IFT43: variants seen among roughly 807,000 people sequenced by gnomAD.
IFT43 encodes intraflagellar transport protein 43 homolog.
Under a neutral mutation model 32.3 loss-of-function variants are expected in IFT43, and 33 were observed. The ratio of observed to expected loss-of-function variants is 1.02; its 90% CI spans 0.77 to 1.37. The LOEUF (loss-of-function observed/expected upper bound fraction) is 1.37. Ranked by LOEUF, IFT43 falls within the 40% of genes most tolerant of loss-of-function variation. The pLI is 0.00. For missense variants in IFT43, 274 were observed against 265.9 expected, an observed-to-expected ratio of 1.03 and a Z score of -0.21; for synonymous variants, 93 against 98.2, an observed-to-expected ratio of 0.95 and a Z score of 0.31.
chr14:76,076,899 T>C (rs2037423011), intron 5 of IFT43, among the ~76,000 whole-genome samples: 1 of 152,082 alleles, frequency 6.6e-6, no homozygotes, highest in African/African-American at 2.4e-5. Flanking sequence ...TTCTATTTAT[T>C]TAGGCAGCAC....
In IFT43 at chr14:76,023,735, A is replaced by G. The variant is rs114011605; in HGVS notation, c.215+1341A>G. ...ATCTTTATGGTGCCATAAATGCTTCATATGAAGGGTCGGTTTGGGAGAAGT... is the reference window on the plus strand; with the variant it reads ...ATCTTTATGGTGCCATAAATGCTTCGTATGAAGGGTCGGTTTGGGAGAAGT... On this transcript the variant is annotated intron_variant, in intron 3 of 8. Coordinates refer to ENST00000314067, the MANE Select transcript of IFT43 (RefSeq NM_001102564.3). 1.3e-4 allele frequency among the ~76,000 whole-genome samples: 20 copies of G among 152,338 alleles called. No homozygotes were observed. The East Asian group carries it at 3.9e-3, about 29-fold the overall frequency.
chr14:76,075,693 G>T (rs180829522), intron 5 of IFT43, among the ~76,000 whole-genome samples: 1 of 152,184 alleles, frequency 6.6e-6, no homozygotes, highest in East Asian at 1.9e-4. Context: ...AATATGAAAC[G>T]CCCATGATGC....
chr14:76,022,421 T>TG, intron 3 of IFT43, 27 bp downstream of exon 3: 1 of 1,337,018 alleles, frequency 7.5e-7, no homozygotes, highest in Non-Finnish European at 1.1e-6. Context: ...CATAAGAGTA[T>TG]GGGTGGGGGT....
chr14:76,030,732 C>T lies in IFT43; in HGVS notation c.215+8338C>T, dbSNP rs541661093. Among the ~76,000 whole-genome samples, 113 of 152,182 alleles carry T rather than the reference C, an allele frequency of 7.4e-4. 1 individual carries two copies. Among genetic ancestry groups the T allele is most frequent in the Admixed American group, 2.8e-3 (43 of 15,276 alleles). Reference sequence around the variant, plus strand: ...TTTTCGGAAGTTATTTGAATTATTTCTCATACAGGTTAAGATATCAATTTA... The same window carrying T: ...TTTTCGGAAGTTATTTGAATTATTTTTCATACAGGTTAAGATATCAATTTA... On this transcript the variant is annotated intron_variant, in intron 3 of 8. Coordinates refer to ENST00000314067, the MANE Select transcript of IFT43 (RefSeq NM_001102564.3).
intron 2 of IFT43, among the ~76,000 whole-genome samples, chr14:76,018,764 C>T (rs1190658126): frequency 6.6e-6 from 1 of 152,014 alleles, no homozygotes; most frequent in Non-Finnish European, 1.5e-5. Context: ...TTATATTGAT[C>T]CCCTTATCAT....
intron 1 of IFT43, chr14:75,986,349 C>CA: frequency 8.6e-7 from 1 of 1,164,006 alleles, no homozygotes; most frequent in East Asian, 5.9e-5. Flanking sequence ...TCAGTTACCT[C>CA]AGTAGTTAAG....
At chr14:76,009,543 C>T (rs1382216149) in intron 2 of IFT43, among the ~76,000 whole-genome samples, 1 of 152,170 alleles carries the variant, frequency 6.6e-6, no homozygotes, top group Non-Finnish European at 1.5e-5. Flanking sequence ...GTCTCTGTCT[C>T]CTTCATTTCA....
intron 5 of IFT43, among the ~76,000 whole-genome samples, chr14:76,068,628 G>T (rs907937791): frequency 6.6e-6 from 1 of 152,186 alleles, no homozygotes; most frequent in Non-Finnish European, 1.5e-5. Flanking sequence ...TCCTTCAGTG[G>T]CATAATCATC....
intron 5 of IFT43, among the ~76,000 whole-genome samples, chr14:76,062,036 C>T (rs912357747): frequency 6.6e-6 from 1 of 151,374 alleles, no homozygotes; most frequent in Admixed American, 6.6e-5. Flanking sequence ...GTTTCTATAA[C>T]TGATTTTTCT....
rs554278886 is a variant in IFT43 at position 75,998,507 on chromosome 14, G to A, written c.147+9530G>A. On this transcript the variant is annotated intron_variant, in intron 2 of 8. Coordinates refer to ENST00000314067, the MANE Select transcript of IFT43 (RefSeq NM_001102564.3). ...ACCACTTGTGTTTAGGAAACACATAGCCAAAAAATAGCTTGCCAAAAGAAA... is the reference window on the plus strand; with the variant it reads ...ACCACTTGTGTTTAGGAAACACATAACCAAAAAATAGCTTGCCAAAAGAAA... Among the ~76,000 whole-genome samples, 8 of 152,312 alleles carry A rather than the reference G, an allele frequency of 5.3e-5. No individual in the cohort carries two copies. In the South Asian group the frequency reaches 1.2e-3, roughly 24 times the overall value.
chr14:76,037,505 C>G (rs914722025), intron 3 of IFT43, among the ~76,000 whole-genome samples: 5 of 152,220 alleles, frequency 3.3e-5, no homozygotes, highest in Non-Finnish European at 5.9e-5. Context: ...CTCTTACCAG[C>G]TACTTGGCTG....
At chr14:76,078,511 T>G (rs2037451090) in intron 5 of IFT43, among the ~76,000 whole-genome samples, 1 of 152,108 alleles carries the variant, frequency 6.6e-6, no homozygotes, top group South Asian at 2.1e-4. Context: ...GGGTGTTCCA[T>G]CAGTATCCTT....
intron 2 of IFT43, among the ~76,000 whole-genome samples, chr14:76,009,452 G>T (rs948794890): frequency 1.3e-5 from 2 of 152,108 alleles, no homozygotes; most frequent in African/African-American, 4.8e-5. Context: ...TAATTACCTA[G>T]CTTGGCTTAT....
At chr14:76,034,801 A>G (rs1396393638) in intron 3 of IFT43, among the ~76,000 whole-genome samples, 1 of 152,202 alleles carries the variant, frequency 6.6e-6, no homozygotes, top group Non-Finnish European at 1.5e-5. Context: ...GGGGCCTGGG[A>G]TCACTACCAG....
chr14:75,995,135 C>T (rs1027693414), intron 2 of IFT43, among the ~76,000 whole-genome samples: 3 of 152,214 alleles, frequency 2.0e-5, no homozygotes, highest in Non-Finnish European at 4.4e-5. Flanking sequence ...GTACTCTTAT[C>T]ATCATGTTGT....
intron 2 of IFT43, among the ~76,000 whole-genome samples, chr14:75,997,500 A>G (rs2035769710): frequency 6.6e-6 from 1 of 152,270 alleles, no homozygotes. Flanking sequence ...TTGCTGGTCA[A>G]GAAAAATCTC....
chr14:76,001,783 G>C (rs2035890534), intron 2 of IFT43, among the ~76,000 whole-genome samples: 1 of 152,212 alleles, frequency 6.6e-6, no homozygotes, highest in Non-Finnish European at 1.5e-5. Flanking sequence ...TCTGGTGAGG[G>C]CCTTTGTGCT....
intron 3 of IFT43, among the ~76,000 whole-genome samples, chr14:76,029,125 C>A (rs767539165): frequency 1.2e-3 from 177 of 152,168 alleles, no homozygotes; most frequent in Admixed American, 7.2e-3. Flanking sequence ...GCCTCACCAA[C>A]ATCTGTTATT....
intron 5 of IFT43, among the ~76,000 whole-genome samples, chr14:76,078,954 G>C (rs751979901): frequency 1.3e-5 from 2 of 152,154 alleles, no homozygotes; most frequent in African/African-American, 2.4e-5. Context: ...GAGAAGTAGC[G>C]AGTCAGGGTG....
Sources: allele counts gnomAD v4.1 joint callset (sites outside exome capture counted in the v4.1 genomes callset), GRCh38; gene constraint gnomAD v4.1.1; transcripts MANE v1.5; gene names NCBI Gene and HGNC (gene_info 2026-07-23, HGNC 2026-07-21).